HFM1: variants seen among roughly 807,000 people sequenced by gnomAD.
The protein encoded by HFM1 is helicase for meiosis 1.
HFM1 carries 169 observed loss-of-function variants against 192.1 expected under a neutral mutation model. The ratio of observed to expected loss-of-function variants is 0.88; its 90% CI spans 0.78 to 1.00. HFM1 has a LOEUF of 1.00. HFM1 is among the 50% of genes least tolerant of loss of function. HFM1 has a pLI of 0.00. For missense variants in HFM1, 1,661 were observed against 1,668.0 expected (o/e 1.00, Z 0.07); for synonymous variants, 525 against 537.8 (o/e 0.98, Z 0.33).
At chr1:91,293,584 C>G (rs1238525398) in intron 30 of HFM1, among the ~76,000 whole-genome samples, 3 of 149,170 alleles carry the variant, frequency 2.0e-5, no homozygotes, top group Non-Finnish European at 3.0e-5. Context: ...AATAGGAACA[C>G]TTTTACGCTG....
At chr1:91,376,425 G>A (rs554890484) in intron 11 of HFM1, among the ~76,000 whole-genome samples, 2 of 151,886 alleles carry the variant, frequency 1.3e-5, no homozygotes, top group South Asian at 4.2e-4. Context: ...AGAAGGCCAA[G>A]AATAAAAACC....
chr1:91,392,073 T>C (rs1297933454), intron 4 of HFM1, among the ~76,000 whole-genome samples: 5 of 152,110 alleles, frequency 3.3e-5, no homozygotes, highest in African/African-American at 1.2e-4. Context: ...GTTAGAATGG[T>C]GATCATTAAA....
rs573409834 is a variant in HFM1 at position 91,324,818 on chromosome 1, G to GT, written c.2336-53dup. The GT allele has an allele frequency of 6.2e-4, 572 of 924,522 alleles. 1 individual carries two copies. The African/African-American group carries it at 8.0e-3, about 13-fold the overall frequency. The allele number at this position is 924,522 out of a possible 1,614,324, so 57.3% of individuals were successfully genotyped here. A position where few individuals can be genotyped will look rare whatever the true frequency, so the allele number is the denominator to read the frequency against. On this transcript the variant is annotated intron_variant, in intron 20 of 38. Transcript: ENST00000370425. ...GGTCCCCTCATCAGCTGAACCAACT[G>GT]TTTTTTTATGTTTAACAAACATTTC...
chr1:91,345,109 T>C (rs1345223579), intron 19 of HFM1, among the ~76,000 whole-genome samples: 1 of 152,142 alleles, frequency 6.6e-6, no homozygotes, highest in South Asian at 2.1e-4. Context: ...CTCACCCTAA[T>C]TGTCAAAATA....
chr1:91,337,585 A>C (rs1174085408), intron 20 of HFM1, among the ~76,000 whole-genome samples: 2 of 152,196 alleles, frequency 1.3e-5, no homozygotes, highest in African/African-American at 4.8e-5. Context: ...TTTGATGGGG[A>C]AGCTCAGAGT....
intron 19 of HFM1, among the ~76,000 whole-genome samples, chr1:91,344,462 A>G (rs1473534790): frequency 6.6e-6 from 1 of 152,170 alleles, no homozygotes; most frequent in African/African-American, 2.4e-5. Flanking sequence ...CCCACTCACT[A>G]CTCGATAAGT....
At chr1:91,314,131 T>C (rs1271617002) in intron 28 of HFM1, 71 bp from the exon 29 acceptor site, 4 of 926,826 alleles carry the variant, frequency 4.3e-6, no homozygotes, top group East Asian at 2.6e-5. Context: ...GAAGGGCTGA[T>C]TGTTCTTAAG....
chr1:91,276,522 C>T (rs1270320544), intron 32 of HFM1, 106 bp downstream of exon 32: 1 of 460,120 alleles, frequency 2.2e-6, no homozygotes, highest in Non-Finnish European at 3.9e-6. Flanking sequence ...GTCAAGCCCA[C>T]AAGTAATTCT....
At position 91,277,002 on chromosome 1, in the gene HFM1, T is replaced by G; in HGVS notation, c.3452A>C (p.His1151Pro). 6.3e-7 allele frequency: 1 copy of G among 1,595,952 alleles called. No individual in the cohort carries two copies. The highest frequency in any genetic ancestry group is 8.5e-7 in the Non-Finnish European group (1 of 1,171,174). Residue 1151 changes from histidine to proline, a missense_variant, in exon 31 of 39, where the codon CAT becomes CCT. Physicochemically the swap from His to Pro is moderately conservative, Grantham distance 77 (BLOSUM62 -2). Transcript: ENST00000370425. ...RECNHLCKSK[H>P]TCGHDCCKIG... ...CTCACAGCAGTCATGTCCACATGTATGTTTACTTTTACAAAGATGATTGCA... is the reference window on the plus strand; with the variant it reads ...CTCACAGCAGTCATGTCCACATGTAGGTTTACTTTTACAAAGATGATTGCA...
Position 91,394,411 on chromosome 1 carries a change from A to T in HFM1, c.185-9T>A, listed in dbSNP as rs760823651. The stretch of plus-strand genomic sequence containing the variant: ...TGGCCTCTTTTCCTGACCTACAAAA[A>T]AGGAATATCTTAATTATTACATGTT... On this transcript the variant is annotated splice_polypyrimidine_tract_variant and intron_variant, in intron 3 of 38. Transcript: ENST00000370425. 1 of 1,391,718 alleles carries T rather than the reference A, an allele frequency of 7.2e-7. No homozygotes were observed. The highest frequency in any genetic ancestry group is 1.4e-5 in the African/African-American group (1 of 69,440). 86.2% of individuals were successfully genotyped at this position (1,391,718 alleles called of 1,614,324 possible). A position where few individuals can be genotyped will look rare whatever the true frequency, so the allele number is the denominator to read the frequency against.
chr1:91,348,230 TA>T (rs1251889916), intron 18 of HFM1, among the ~76,000 whole-genome samples: 4 of 151,796 alleles, frequency 2.6e-5, no homozygotes, highest in Admixed American at 2.6e-4. Flanking sequence ...CTACAGAAAA[TA>T]AAGTAACTAT....
At chr1:91,364,392 G>C (rs1658942077) in intron 13 of HFM1, among the ~76,000 whole-genome samples, 1 of 151,440 alleles carries the variant, frequency 6.6e-6, no homozygotes, top group East Asian at 1.9e-4. Flanking sequence ...GATTTCTAAA[G>C]ATATTAAAAA....
At chr1:91,366,070 T>G (rs1023449214) in intron 13 of HFM1, among the ~76,000 whole-genome samples, 1 of 151,812 alleles carries the variant, frequency 6.6e-6, no homozygotes, top group Non-Finnish European at 1.5e-5. Flanking sequence ...AACTTTCCAT[T>G]AGTAACTAGG....
At chr1:91,347,299 A>C (rs1656269169) in intron 19 of HFM1, 130 bp downstream of exon 19, 2 of 473,226 alleles carry the variant, frequency 4.2e-6, no homozygotes, top group Non-Finnish European at 3.8e-6. Context: ...GAAATAGTTC[A>C]CATTATTTTT....
chr1:91,328,577 G>A, intron 20 of HFM1: 1 of 1,610,072 alleles, frequency 6.2e-7, no homozygotes, highest in South Asian at 1.1e-5. Context: ...CACCTGATAG[G>A]CATGTTCTAC....
At chr1:91,381,819 A>G (rs991259023) in intron 6 of HFM1, among the ~76,000 whole-genome samples, 12 of 152,304 alleles carry the variant, frequency 7.9e-5, no homozygotes, top group Middle Eastern at 3.4e-3. Context: ...TGAGAACACA[A>G]GTACACAGTT....
chr1:91,321,666 C>T (rs189261647), intron 23 of HFM1, among the ~76,000 whole-genome samples: 2 of 152,248 alleles, frequency 1.3e-5, no homozygotes, highest in African/African-American at 2.4e-5. Context: ...CCATCCCACA[C>T]GTACACACAT....
intron 32 of HFM1, among the ~76,000 whole-genome samples, chr1:91,275,055 GCTCACTGCAAC>G (rs1307474231): frequency 6.9e-6 from 1 of 145,762 alleles, no homozygotes; most frequent in East Asian, 2.0e-4. Flanking sequence ...TATAATCTCA[GCTCACTGCAAC>G]CTCTGCCTCC....
rs148469632 is a variant in HFM1, at chr1:91,385,725, T to C, written c.604A>G (p.Lys202Glu). The change falls in exon 5 of 39, where the codon AAA becomes GAA. Residue 202 changes from lysine (K) to glutamate (E), a missense_variant. Lys to Glu is a moderately conservative substitution (Grantham distance 56, BLOSUM62 1). Transcript: ENST00000370425. Reference sequence around the variant, plus strand: ...TTACTATTGCTATAGTTCCTTGATTTCCCTTTGTTCATTTCTGTTTGTACA... The same window carrying C: ...TTACTATTGCTATAGTTCCTTGATTCCCCTTTGTTCATTTCTGTTTGTACA... Reference protein sequence around the residue: ...KIVQTEMNKGKSRNYSNSKQK... With the variant: ...KIVQTEMNKGESRNYSNSKQK... The C allele has an allele frequency of 4.2e-5, 68 of 1,613,004 alleles. No individual in the cohort carries two copies. The African/African-American group carries it at 8.4e-4, about 20-fold the overall frequency.
Sources: allele counts gnomAD v4.1 joint callset (sites outside exome capture counted in the v4.1 genomes callset), GRCh38; gene constraint gnomAD v4.1.1; transcripts MANE v1.5; gene names NCBI Gene and HGNC (gene_info 2026-07-23, HGNC 2026-07-21).